The following MACROD1 variants were observed in gnomAD, a reference collection of about 807,000 sequenced individuals.
MACROD1 encodes ADP-ribose glycohydrolase MACROD1.
In MACROD1, 31 loss-of-function variants were observed where a neutral mutation model predicts 41.4. The observed-to-expected ratio is 0.75, with a 90% CI of 0.56 to 1.01. The LOEUF (loss-of-function observed/expected upper bound fraction) is 1.01. Among genes scored for constraint, MACROD1 ranks in the 50% least tolerant of loss-of-function variants. The pLI is 0.00. For missense variants in MACROD1, 473 were observed against 460.0 expected, an observed-to-expected ratio of 1.03 and a Z score of -0.26; for synonymous variants, 252 against 203.4, an observed-to-expected ratio of 1.24 and a Z score of -2.03.
At position 64,090,014 on chromosome 11, in the gene MACROD1, C is replaced by A. The variant is rs1485281763; in HGVS notation, c.517+61225G>T. ...AGCACTTATGACAAGGCCCTCCATCCAAGTAACAAACAAAAGGGAAACACA... is the reference window on the plus strand; with the variant it reads ...AGCACTTATGACAAGGCCCTCCATCAAAGTAACAAACAAAAGGGAAACACA... On this transcript the variant is annotated intron_variant, in intron 3 of 10. Transcript: ENST00000255681. The surrounding 1 kb of genome is among the most constrained non-coding windows in gnomAD (Gnocchi z 4.7). Among the ~76,000 whole-genome samples the A allele has an allele frequency of 3.3e-5, 5 of 152,134 alleles. No homozygotes were observed. The East Asian group carries it at 7.7e-4, about 23-fold the overall frequency.
chr11:64,131,572 CG>C (rs1945266614), intron 3 of MACROD1, among the ~76,000 whole-genome samples: 1 of 152,176 alleles, frequency 6.6e-6, no homozygotes, highest in East Asian at 1.9e-4. Context: ...ATGATCCACC[CG>C]CATCGGCCTC....
intron 3 of MACROD1, among the ~76,000 whole-genome samples, chr11:64,085,658 C>T (rs1481985734): frequency 1.3e-5 from 2 of 152,192 alleles, no homozygotes; most frequent in Non-Finnish European, 2.9e-5. Flanking sequence ...GCTGGGCCTA[C>T]CTGCCTTGGG....
In MACROD1 at chr11:64,097,279, G is replaced by A. The variant is rs576063835; in HGVS notation, c.517+53960C>T. Among the ~76,000 whole-genome samples the A allele has an allele frequency of 3.3e-5, 5 of 152,352 alleles. No individual in the cohort carries two copies. In the South Asian group the frequency reaches 1.0e-3, roughly 32 times the overall value. On this transcript the variant is annotated intron_variant, in intron 3 of 10. Coordinates refer to ENST00000255681, the MANE Select transcript of MACROD1 (RefSeq NM_014067.4). ...GGAGGGGCAGGTGGCTACGGTCTGC[G>A]CCCAATTTGGGCTTCTCTGCCAACT...
intron 4 of MACROD1, among the ~76,000 whole-genome samples, chr11:64,000,687 C>A (rs1311613471): frequency 8.1e-6 from 1 of 122,748 alleles, no homozygotes; most frequent in Non-Finnish European, 1.7e-5. Context: ...AACCGCCGCC[C>A]GAGCCGGGGT....
intron 3 of MACROD1, chr11:64,117,619 T>C: frequency 6.2e-7 from 1 of 1,613,748 alleles, no homozygotes. Context: ...GCAGACTCCA[T>C]CCGCATCACG....
At chr11:64,079,213 A>G (rs1944260265) in intron 3 of MACROD1, among the ~76,000 whole-genome samples, 1 of 151,850 alleles carries the variant, frequency 6.6e-6, no homozygotes, top group Non-Finnish European at 1.5e-5. Flanking sequence ...GTGTGTAGGG[A>G]GCCCCACGGC....
At chr11:64,129,742 T>C (rs1945238558) in intron 3 of MACROD1, among the ~76,000 whole-genome samples, 1 of 152,144 alleles carries the variant, frequency 6.6e-6, no homozygotes, top group Non-Finnish European at 1.5e-5. Context: ...CTGAAGAGGA[T>C]GACAGGCTGG....
At chr11:64,117,319 A>G in intron 3 of MACROD1, 1 of 1,614,130 alleles carries the variant, frequency 6.2e-7, no homozygotes, top group Non-Finnish European at 8.5e-7. Flanking sequence ...GCCGTGGTCA[A>G]CGTGCGGGGC....
intron 3 of MACROD1, among the ~76,000 whole-genome samples, chr11:64,039,030 G>A (rs796883089): frequency 1.6e-4 from 25 of 152,314 alleles, no homozygotes; most frequent in African/African-American, 5.8e-4. Flanking sequence ...TGTGGGCCAA[G>A]GGCTTTCAGC....
chr11:64,065,379 C>G (rs192561170), intron 3 of MACROD1, among the ~76,000 whole-genome samples: 1 of 152,196 alleles, frequency 6.6e-6, no homozygotes, highest in Non-Finnish European at 1.5e-5. Flanking sequence ...CAGGTCCTCA[C>G]AGATTTGCCA....
intron 3 of MACROD1, among the ~76,000 whole-genome samples, chr11:64,018,884 G>A (rs1480757241): frequency 6.6e-6 from 1 of 152,198 alleles, no homozygotes; most frequent in African/African-American, 2.4e-5. Context: ...TGAAGGCGTG[G>A]TGGCTTCAGG....
At chr11:64,127,451 C>T (rs987303719) in intron 3 of MACROD1, among the ~76,000 whole-genome samples, 4 of 152,078 alleles carry the variant, frequency 2.6e-5, no homozygotes, top group African/African-American at 9.7e-5. Context: ...TCAGCCCACC[C>T]CTCCCCGGGC....
chr11:64,155,565 C>T (rs1238681680), intron 1 of MACROD1, among the ~76,000 whole-genome samples: 2 of 152,094 alleles, frequency 1.3e-5, no homozygotes, highest in African/African-American at 2.4e-5. Context: ...CTGCAAAGTG[C>T]GGTCTACACG....
At chr11:64,028,568 G>A (rs1025456377) in intron 3 of MACROD1, among the ~76,000 whole-genome samples, 4 of 152,232 alleles carry the variant, frequency 2.6e-5, no homozygotes, top group Middle Eastern at 3.2e-3. Context: ...CTCCCTCCGC[G>A]GCCCAGCCTT....
chr11:64,153,125 AG>A (rs1359513314), intron 1 of MACROD1, among the ~76,000 whole-genome samples: 1 of 152,110 alleles, frequency 6.6e-6, no homozygotes, highest in Non-Finnish European at 1.5e-5. Context: ...CCCTTGCCTG[AG>A]CACTGTCCCA....
intron 3 of MACROD1, among the ~76,000 whole-genome samples, chr11:64,053,027 C>A (rs1943722346): frequency 6.6e-6 from 1 of 152,244 alleles, no homozygotes; most frequent in African/African-American, 2.4e-5. Context: ...CCCGGGCTCT[C>A]AACTGCAGCC....
intron 3 of MACROD1, among the ~76,000 whole-genome samples, chr11:64,134,611 G>A (rs1171990357): frequency 6.6e-6 from 1 of 152,164 alleles, no homozygotes; most frequent in Non-Finnish European, 1.5e-5. Context: ...TGAGATGCAG[G>A]GGTGGGGGAC....
At chr11:64,047,556 G>C (rs1362758816) in intron 3 of MACROD1, among the ~76,000 whole-genome samples, 1 of 152,120 alleles carries the variant, frequency 6.6e-6, no homozygotes, top group Non-Finnish European at 1.5e-5. Flanking sequence ...CAGTGGCCCA[G>C]ATGTACTTAG....
intron 3 of MACROD1, among the ~76,000 whole-genome samples, chr11:64,094,882 C>T (rs553321126): frequency 3.9e-5 from 6 of 152,298 alleles, no homozygotes; most frequent in South Asian, 4.1e-4. Context: ...GAGTGGATTT[C>T]GCCGAATGTC....
Sources: gnomAD v4.1 joint callset for allele counts (sites outside exome capture counted in the v4.1 genomes callset) on GRCh38, gnomAD v4.1.1 for gene constraint, Gnocchi (gnomAD v3.1) non-coding constraint, MANE v1.5 for transcripts, NCBI Gene and HGNC (gene_info 2026-07-23, HGNC 2026-07-21) for gene names.